AGXT2: variants seen among roughly 807,000 people sequenced by gnomAD.
AGXT2 encodes alanine--glyoxylate aminotransferase 2.
A neutral mutation model predicts 62.5 loss-of-function variants in AGXT2; 61 were observed. The ratio of observed to expected loss-of-function variants is 0.98; its 90% CI spans 0.79 to 1.21. AGXT2 has a LOEUF of 1.21. AGXT2 is among the 50% of genes most tolerant of loss of function. The pLI is 0.00. For missense variants in AGXT2, 666 were observed against 641.5 expected, an observed-to-expected ratio of 1.04 and a Z score of -0.41; for synonymous variants, 243 against 218.7, an observed-to-expected ratio of 1.11 and a Z score of -0.98.
At chr5:35,011,910 G>A (rs896451593) in intron 11 of AGXT2, among the ~76,000 whole-genome samples, 1 of 126,484 alleles carries the variant, frequency 7.9e-6, no homozygotes, top group Admixed American at 8.6e-5. Context: ...AGAAAATGTG[G>A]TGTATACACA....
intron 12 of AGXT2, among the ~76,000 whole-genome samples, chr5:35,009,521 G>C (rs1017192772): frequency 6.6e-6 from 1 of 152,102 alleles, no homozygotes; most frequent in Non-Finnish European, 1.5e-5. Flanking sequence ...GCTTGAACCT[G>C]TAAGGTGGAG....
At chr5:35,003,525 A>C (rs1202357873) in intron 13 of AGXT2, among the ~76,000 whole-genome samples, 1 of 151,606 alleles carries the variant, frequency 6.6e-6, no homozygotes, top group Non-Finnish European at 1.5e-5. Context: ...CGCGACAACC[A>C]AACCATTTTC....
At chr5:35,040,157 C>A (rs1767933359) in intron 2 of AGXT2, among the ~76,000 whole-genome samples, 1 of 152,010 alleles carries the variant, frequency 6.6e-6, no homozygotes, top group African/African-American at 2.4e-5. Context: ...TTTTTATTAG[C>A]CTGAGAACAA....
chr5:34,998,914 C>CACA lies in AGXT2; in HGVS notation c.1438-89_1438-88insTGT, dbSNP rs1766127416. On this transcript the variant is annotated intron_variant, in intron 13 of 13. Coordinates refer to ENST00000231420, the MANE Select transcript of AGXT2 (RefSeq NM_031900.4). ...ATGCACTAAACTAAAAATCCAAAAC[C>CACA]TTGTGTTTAGGATGTTTCTCATGTT... 1.5e-5 allele frequency: 15 copies of CACA among 994,756 alleles called. No individual in the cohort carries two copies. The South Asian group carries it at 1.9e-4, about 12-fold the overall frequency. The allele number at this position is 994,756 out of a possible 1,614,324, so 61.6% of individuals were successfully genotyped here.
At position 34,998,513 on chromosome 5, in the gene AGXT2, T is replaced by A. The variant is rs1766111198; in HGVS notation, c.*206A>T. 8.2e-6 allele frequency: 5 copies of A among 612,136 alleles called. No individual in the cohort carries two copies. The allele number at this position is 612,136 out of a possible 1,614,324, so 37.9% of individuals were successfully genotyped here. On this transcript the variant is annotated 3_prime_UTR_variant, in exon 14 of 14. Transcript: ENST00000231420. The stretch of plus-strand genomic sequence containing the variant: ...GGATTTATTCTCTGAGCTAGGGAGA[T>A]CCTTTCCCTGAAGAATGGAGTTCTC...
chr5:35,045,721 A>T (rs37379), intron 1 of AGXT2, among the ~76,000 whole-genome samples: 1 of 150,330 alleles, frequency 6.7e-6, no homozygotes, highest in Non-Finnish European at 1.5e-5. Flanking sequence ...TGATGAGGAT[A>T]GCATTCAGTC....
chr5:35,020,178 A>C (rs1048564078), intron 9 of AGXT2, among the ~76,000 whole-genome samples: 2 of 152,212 alleles, frequency 1.3e-5, no homozygotes, highest in Non-Finnish European at 2.9e-5. Flanking sequence ...TTCTGAAACT[A>C]TTCCAATCAA....
In AGXT2 at chr5:35,035,289, C is replaced by G; in HGVS notation, c.514G>C (p.Glu172Gln). The G allele has an allele frequency of 6.2e-7, 1 of 1,613,962 alleles. No homozygotes were observed. The highest frequency in any genetic ancestry group is 2.2e-5 in the East Asian group (1 of 44,874). Residue 172 changes from glutamate to glutamine, a missense_variant, in exon 5 of 14, where the codon GAA becomes CAA. Glu to Gln is a conservative substitution (Grantham distance 29, BLOSUM62 2). Transcript: ENST00000231420. ...KVIFLVNSGS[E>Q]ANELAMLMAR... ...ATCAGCATGGCCAGCTCATTGGCTT[C>G]TGAGCCACTGTTCACCAAGAAAATG...
At chr5:35,039,295 A>G (rs1323298355) in intron 3 of AGXT2, 29 bp downstream of exon 3, 2 of 1,607,132 alleles carry the variant, frequency 1.2e-6, no homozygotes, top group East Asian at 4.5e-5. Flanking sequence ...CTTTTGGAAT[A>G]AAAATCTCCA....
chr5:34,999,044 T>C (rs1192254757), intron 13 of AGXT2, among the ~76,000 whole-genome samples: 1 of 152,182 alleles, frequency 6.6e-6, no homozygotes, highest in Non-Finnish European at 1.5e-5. Context: ...CCTTTTCCTT[T>C]TTGTCATACA....
intron 3 of AGXT2, among the ~76,000 whole-genome samples, chr5:35,037,750 T>C (rs1338773393): frequency 6.6e-6 from 1 of 152,226 alleles, no homozygotes; most frequent in Admixed American, 6.5e-5. Context: ...GAGATTCTAA[T>C]ATCTGAGTCT....
chr5:35,009,896 G>T, intron 12 of AGXT2, 104 bp downstream of exon 12: 1 of 1,492,222 alleles, frequency 6.7e-7, no homozygotes, highest in Non-Finnish European at 9.3e-7. Context: ...CTTGCTGTTT[G>T]TGTCTGCTCT....
Position 35,017,937 on chromosome 5 carries a change from C to A in AGXT2, c.964-3818G>T, listed in dbSNP as rs139091528. On this transcript the variant is annotated intron_variant, in intron 9 of 13. Transcript: ENST00000231420. The stretch of plus-strand genomic sequence containing the variant: ...ACTACGTGAAGAATGCAGAAGCCTC[C>A]GGAGCTGATGAGATCAACTGGAAGA... Among the ~76,000 whole-genome samples the A allele has an allele frequency of 1.3e-4, 19 of 151,942 alleles. 1 individual carries two copies. The East Asian group carries it at 2.1e-3, about 17-fold the overall frequency.
intron 9 of AGXT2, among the ~76,000 whole-genome samples, chr5:35,018,893 T>C (rs1399242639): frequency 1.4e-5 from 2 of 143,992 alleles, no homozygotes; most frequent in Non-Finnish European, 3.0e-5. Context: ...ACCAAGCAAA[T>C]AGAAAACAAA....
At chr5:35,026,757 A>T (rs1238557135) in intron 7 of AGXT2, among the ~76,000 whole-genome samples, 1 of 152,206 alleles carries the variant, frequency 6.6e-6, no homozygotes, top group Non-Finnish European at 1.5e-5. Flanking sequence ...TAAACAAACC[A>T]CTTCAGTTCT....
At chr5:35,033,003 G>C (rs894676402) in intron 6 of AGXT2, 178 bp from the exon 7 acceptor site, 3 of 635,770 alleles carry the variant, frequency 4.7e-6, no homozygotes, top group Admixed American at 4.4e-5. Flanking sequence ...TTAGAAATCA[G>C]CTATGTGGGC....
In AGXT2 at chr5:35,035,211, G is replaced by T; in HGVS notation, c.581+11C>A. On this transcript the variant is annotated intron_variant, in intron 5 of 13. Coordinates refer to ENST00000231420, the MANE Select transcript of AGXT2 (RefSeq NM_031900.4). ...GTGTTCCTAAAGTTGAATATTCCAA[G>T]TTGTGATTACCTGAAAGAAATGATG... 6.2e-7 allele frequency: 1 copy of T among 1,611,872 alleles called. No homozygotes were observed. The highest frequency in any genetic ancestry group is 8.5e-7 in the Non-Finnish European group (1 of 1,177,914).
intron 7 of AGXT2, among the ~76,000 whole-genome samples, chr5:35,027,750 T>C (rs1450962186): frequency 6.6e-6 from 1 of 151,138 alleles, no homozygotes; most frequent in East Asian, 1.9e-4. Context: ...CTATCTGAGT[T>C]TGCAGCTTCC....
At chr5:35,010,615 G>C (rs749607943) in intron 11 of AGXT2, among the ~76,000 whole-genome samples, 1 of 152,160 alleles carries the variant, frequency 6.6e-6, no homozygotes, top group Non-Finnish European at 1.5e-5. Context: ...AATCCGGGAG[G>C]AGGAGGTTGC....
Sources: allele counts gnomAD v4.1 joint callset (sites outside exome capture counted in the v4.1 genomes callset), GRCh38; gene constraint gnomAD v4.1.1; transcripts MANE v1.5; gene names NCBI Gene and HGNC (gene_info 2026-07-23, HGNC 2026-07-21).